CCDC93: variants seen among roughly 807,000 people sequenced by gnomAD.
CCDC93 encodes the protein CCC complex scaffolding subunit CCDC93, also known as coiled-coil domain-containing protein 93.
A neutral mutation model predicts 108.2 loss-of-function variants in CCDC93; 61 were observed. That is an observed-to-expected ratio of 0.56 (90% CI 0.46 to 0.70). The LOEUF (loss-of-function observed/expected upper bound fraction) is 0.70. CCDC93 is among the 30% of genes least tolerant of loss of function. The pLI is 0.00. For missense variants in CCDC93, 685 were observed against 764.2 expected, an observed-to-expected ratio of 0.90 and a Z score of 1.22; for synonymous variants, 276 against 260.4, an observed-to-expected ratio of 1.06 and a Z score of -0.58.
At chr2:117,956,642 T>C (rs541203688) in intron 12 of CCDC93, among the ~76,000 whole-genome samples, 6 of 152,280 alleles carry the variant, frequency 3.9e-5, no homozygotes, top group African/African-American at 1.4e-4. Flanking sequence ...ACTGTCTGAG[T>C]TGACAACTCA....
intron 7 of CCDC93, among the ~76,000 whole-genome samples, chr2:117,980,223 C>A (rs1255532296): frequency 6.6e-6 from 1 of 152,220 alleles, no homozygotes; most frequent in South Asian, 2.1e-4. Flanking sequence ...TAGTTCTCAT[C>A]CAGCCCTGTA....
chr2:118,013,329 C>CT (rs1289937117), intron 1 of CCDC93, among the ~76,000 whole-genome samples: 1 of 152,244 alleles, frequency 6.6e-6, no homozygotes, highest in African/African-American at 2.4e-5. Flanking sequence ...CACAGCACCC[C>CT]TGGAGTGCGT....
At chr2:117,985,540 CTA>C (rs10535626) in intron 7 of CCDC93, 314,833 of 320,032 alleles carry the variant, frequency 0.98, 155,106 homozygotes, top group Middle Eastern at 1. Context: ...TTTTTTTAAA[CTA>C]GAGATGTTTT....
chr2:117,927,883 A>T (rs1678177237), intron 23 of CCDC93, among the ~76,000 whole-genome samples: 5 of 152,178 alleles, frequency 3.3e-5, no homozygotes, highest in Admixed American at 3.3e-4. Flanking sequence ...CAGTAACCAA[A>T]ACAGCATGGT....
chr2:117,935,353 G>A (rs12151445), intron 22 of CCDC93, 142 bp downstream of exon 22: 208,402 of 628,256 alleles, frequency 0.33, 37,288 homozygotes, highest in African/African-American at 0.49. Context: ...TAAGACGCAT[G>A]GTGGGAATAC....
At chr2:117,985,802 C>G (rs1457016218) in intron 7 of CCDC93, among the ~76,000 whole-genome samples, 167 bp downstream of exon 7, 1 of 152,128 alleles carries the variant, frequency 6.6e-6, no homozygotes, top group Non-Finnish European at 1.5e-5. Flanking sequence ...AAAGGATGCC[C>G]ACAGAAACAG....
intron 3 of CCDC93, 36 bp from the exon 4 acceptor site, chr2:118,000,968 T>C (rs771658638): frequency 4.8e-6 from 6 of 1,259,172 alleles, no homozygotes; most frequent in African/African-American, 1.5e-5. Flanking sequence ...GAGTGAGGCA[T>C]ACTAAGTAGC....
chr2:117,989,420 C>G (rs1680412347), intron 6 of CCDC93, among the ~76,000 whole-genome samples: 1 of 152,160 alleles, frequency 6.6e-6, no homozygotes, highest in African/African-American at 2.4e-5. Context: ...TGCAAGCAAA[C>G]CTGTCAAAGC....
intron 11 of CCDC93, among the ~76,000 whole-genome samples, chr2:117,969,405 C>T (rs1294618976): frequency 3.3e-5 from 5 of 152,196 alleles, no homozygotes; most frequent in Admixed American, 3.3e-4. Flanking sequence ...TTGTAAGACT[C>T]ACAGAGGGTG....
intron 13 of CCDC93, chr2:117,950,755 G>A (rs1289349200): frequency 5.1e-6 from 5 of 985,260 alleles, no homozygotes; most frequent in Non-Finnish European, 6.0e-6. Context: ...TTCAGTACTA[G>A]GTTTTATACA....
intron 18 of CCDC93, among the ~76,000 whole-genome samples, chr2:117,943,270 T>C (rs899969307): frequency 6.6e-6 from 1 of 152,234 alleles, no homozygotes; most frequent in Non-Finnish European, 1.5e-5. Context: ...TCATCCTATT[T>C]ATTAGTTATG....
Position 117,950,594 on chromosome 2 carries a change from T to C in CCDC93, c.1069-1199A>G, listed in dbSNP as rs368593734. 84 of 985,388 alleles carry C rather than the reference T, an allele frequency of 8.5e-5. 5 individuals carry two copies. In the East Asian group the frequency reaches 3.4e-3, roughly 40 times the overall value. The allele number at this position is 985,388 out of a possible 1,614,324, so 61.0% of individuals were successfully genotyped here. On this transcript the variant is annotated intron_variant, in intron 13 of 23. Transcript: ENST00000376300. ...GTTATCCTGGAAGGGCAGGTTTTGCTGAAGAGGTCAAATCTGGGAAGCCTG... is the reference window on the plus strand; with the variant it reads ...GTTATCCTGGAAGGGCAGGTTTTGCCGAAGAGGTCAAATCTGGGAAGCCTG...
chr2:117,946,661 C>CA, intron 16 of CCDC93, 150 bp downstream of exon 16: 1 of 612,112 alleles, frequency 1.6e-6, no homozygotes, highest in Middle Eastern at 2.6e-4. Flanking sequence ...GAGATGGATA[C>CA]AAATCTAAGA....
intron 6 of CCDC93, among the ~76,000 whole-genome samples, chr2:117,993,119 G>A (rs1462353392): frequency 4.6e-5 from 7 of 152,000 alleles, no homozygotes; most frequent in Admixed American, 1.3e-4. Context: ...TGTTTGGGCC[G>A]GGCACTGTGG....
intron 11 of CCDC93, among the ~76,000 whole-genome samples, chr2:117,959,990 C>T (rs1034540592): frequency 6.6e-6 from 1 of 152,158 alleles, no homozygotes; most frequent in Non-Finnish European, 1.5e-5. Flanking sequence ...CTTACAAAAA[C>T]AGAATTACAA....
At chr2:118,007,995 T>C (rs1197350740) in intron 2 of CCDC93, among the ~76,000 whole-genome samples, 2 of 152,254 alleles carry the variant, frequency 1.3e-5, no homozygotes, top group African/African-American at 4.8e-5. Flanking sequence ...GATTCACTTG[T>C]CTCTCATCCC....
chr2:117,953,036 C>G (rs1052179748), intron 12 of CCDC93, among the ~76,000 whole-genome samples: 1 of 152,232 alleles, frequency 6.6e-6, no homozygotes, highest in African/African-American at 2.4e-5. Context: ...CTTGCTAAAA[C>G]AGTATATCCT....
chr2:117,998,547 T>A (rs1680739256), intron 4 of CCDC93, among the ~76,000 whole-genome samples: 1 of 152,194 alleles, frequency 6.6e-6, no homozygotes, highest in Non-Finnish European at 1.5e-5. Context: ...TGCTTTAAAA[T>A]TTTACAGGTC....
chr2:117,978,795 G>A (rs1271571965), intron 7 of CCDC93, among the ~76,000 whole-genome samples: 8 of 152,180 alleles, frequency 5.3e-5, no homozygotes, highest in African/African-American at 1.9e-4. Flanking sequence ...ATCACCTGAC[G>A]TCAGGAATTT....
Sources: gnomAD v4.1 joint callset for allele counts (sites outside exome capture counted in the v4.1 genomes callset) on GRCh38, gnomAD v4.1.1 for gene constraint, MANE v1.5 for transcripts, NCBI Gene and HGNC (gene_info 2026-07-23, HGNC 2026-07-21) for gene names.